The following CNTNAP2 variants were observed in gnomAD, a reference collection of about 807,000 sequenced individuals.
CNTNAP2 encodes the protein contactin-associated protein-like 2.
CNTNAP2 carries 98 observed loss-of-function variants against 155.2 expected under a neutral mutation model. That is an observed-to-expected ratio of 0.63 (90% CI 0.54 to 0.75). The LOEUF (loss-of-function observed/expected upper bound fraction) is 0.75, where lower values mean the gene tolerates loss of function less well. CNTNAP2 is among the 30% of genes least tolerant of loss of function. The pLI is 0.00. For missense variants in CNTNAP2, 1,727 were observed against 1,688.1 expected, an observed-to-expected ratio of 1.02 and a Z score of -0.40; for synonymous variants, 651 against 631.2, an observed-to-expected ratio of 1.03 and a Z score of -0.47.
chr7:147,138,593 T>G (rs1409748594), intron 8 of CNTNAP2, among the ~76,000 whole-genome samples: 5 of 151,932 alleles, frequency 3.3e-5, no homozygotes, highest in Non-Finnish European at 7.4e-5. Context: ...CTGCAGTGAA[T>G]GCTGGTGCAC....
intron 1 of CNTNAP2, among the ~76,000 whole-genome samples, chr7:146,350,559 G>A (rs1057295518): frequency 6.6e-6 from 1 of 151,698 alleles, no homozygotes; most frequent in African/African-American, 2.4e-5. Flanking sequence ...GGAGAAATAG[G>A]AACACTTTTA....
At chr7:147,161,895 T>C (rs1004765035) in intron 8 of CNTNAP2, 6 of 152,212 alleles carry the variant, frequency 3.9e-5, no homozygotes, top group African/African-American at 1.4e-4. Context: ...ACCTCCTTTC[T>C]GTTCCAGAAC....
At chr7:147,786,230 C>G (rs1277496400) in intron 13 of CNTNAP2, among the ~76,000 whole-genome samples, 1 of 152,186 alleles carries the variant, frequency 6.6e-6, no homozygotes, top group Non-Finnish European at 1.5e-5. Context: ...CAAGATTGCA[C>G]CACTGCACTC....
chr7:146,289,613 G>C lies in CNTNAP2; in HGVS notation c.97+172640G>C, dbSNP rs529903451. ...CAAATTAAGCCCTGCTGTCTGCATG[G>C]GTACTCATTATTAAATATGAGCGAT... On this transcript the variant is annotated intron_variant, in intron 1 of 23. Transcript: ENST00000361727. 2.6e-5 allele frequency among the ~76,000 whole-genome samples: 4 copies of C among 152,090 alleles called. No homozygotes were observed. In the South Asian group the frequency reaches 8.3e-4, roughly 32 times the overall value.
chr7:146,179,396 AG>A (rs34132852), intron 1 of CNTNAP2, among the ~76,000 whole-genome samples: 45,900 of 151,782 alleles, frequency 0.3, 8,045 homozygotes, highest in African/African-American at 0.49. Context: ...TTGATATCAA[AG>A]AAATATAACC....
At chr7:147,974,058 C>T (rs993868683) in intron 14 of CNTNAP2, among the ~76,000 whole-genome samples, 3 of 149,286 alleles carry the variant, frequency 2.0e-5, no homozygotes, top group Admixed American at 6.6e-5. Context: ...GTAATGCCTG[C>T]TTTTAGTATT....
intron 3 of CNTNAP2, among the ~76,000 whole-genome samples, chr7:147,020,932 A>G (rs1798807108): frequency 6.6e-6 from 1 of 152,168 alleles, no homozygotes. Flanking sequence ...TATTATTAAG[A>G]TGCATTTCTT....
intron 3 of CNTNAP2, among the ~76,000 whole-genome samples, chr7:146,907,824 C>A (rs1171016975): frequency 1.3e-5 from 2 of 151,910 alleles, no homozygotes; most frequent in African/African-American, 4.8e-5. Context: ...TGTAAATGGA[C>A]TAAATGCTCT....
At chr7:147,526,917 T>C (rs1412015371) in intron 11 of CNTNAP2, among the ~76,000 whole-genome samples, 2 of 152,146 alleles carry the variant, frequency 1.3e-5, no homozygotes, top group African/African-American at 4.8e-5. Flanking sequence ...ATTAAGTTTT[T>C]CTGTCATTAA....
intron 18 of CNTNAP2, among the ~76,000 whole-genome samples, chr7:148,187,601 G>A (rs921352508): frequency 1.2e-4 from 18 of 152,304 alleles, no homozygotes; most frequent in African/African-American, 4.1e-4. Flanking sequence ...TGAGGAGCTA[G>A]GAGGGTGGAT....
chr7:147,866,968 T>C (rs1218123003), intron 13 of CNTNAP2, among the ~76,000 whole-genome samples: 3 of 152,366 alleles, frequency 2.0e-5, no homozygotes, highest in East Asian at 3.9e-4. Context: ...AATATTGTTA[T>C]GTGTGAATTT....
At chr7:147,731,989 T>G (rs1341215929) in intron 13 of CNTNAP2, among the ~76,000 whole-genome samples, 1 of 152,134 alleles carries the variant, frequency 6.6e-6, no homozygotes, top group African/African-American at 2.4e-5. Flanking sequence ...ATGATAAAAC[T>G]TTAATGGATG....
At chr7:146,139,631 CT>C (rs957567970) in intron 1 of CNTNAP2, among the ~76,000 whole-genome samples, 6 of 151,358 alleles carry the variant, frequency 4.0e-5, no homozygotes, top group Non-Finnish European at 7.4e-5. Context: ...AGTTATCATT[CT>C]TTTTTTTTCT....
chr7:146,581,884 T>C (rs747434195), intron 1 of CNTNAP2, among the ~76,000 whole-genome samples: 2 of 152,080 alleles, frequency 1.3e-5, no homozygotes, highest in Non-Finnish European at 2.9e-5. Context: ...TTTTTTCTTA[T>C]TGCCCAAAAT....
chr7:148,285,167 C>A (rs1449524450), intron 21 of CNTNAP2, among the ~76,000 whole-genome samples: 2 of 152,232 alleles, frequency 1.3e-5, no homozygotes, highest in East Asian at 3.8e-4. Context: ...TTGAATGTCA[C>A]AGCTCTGTGC....
intron 13 of CNTNAP2, among the ~76,000 whole-genome samples, chr7:147,685,971 A>G (rs928946397): frequency 2.6e-5 from 4 of 151,984 alleles, no homozygotes; most frequent in Admixed American, 2.6e-4. Flanking sequence ...AGACTTATTG[A>G]GGCTGTGTGC....
At chr7:146,546,488 G>C (rs1375500756) in intron 1 of CNTNAP2, among the ~76,000 whole-genome samples, 1 of 151,868 alleles carries the variant, frequency 6.6e-6, no homozygotes, top group East Asian at 1.9e-4. Flanking sequence ...CACTTTCCCT[G>C]TAGGAGGAGT....
intron 2 of CNTNAP2, among the ~76,000 whole-genome samples, chr7:146,838,678 A>G (rs975777330): frequency 6.6e-6 from 1 of 152,242 alleles, no homozygotes. Context: ...TCATAGTTTT[A>G]AGCAAAAATA....
At chr7:146,988,450 A>G (rs985184730) in intron 3 of CNTNAP2, among the ~76,000 whole-genome samples, 1 of 152,174 alleles carries the variant, frequency 6.6e-6, no homozygotes, top group Non-Finnish European at 1.5e-5. Flanking sequence ...AATCACTTCC[A>G]AAAATCTGTT....
Sources: gnomAD v4.1 joint callset for allele counts (sites outside exome capture counted in the v4.1 genomes callset) on GRCh38, gnomAD v4.1.1 for gene constraint, MANE v1.5 for transcripts, NCBI Gene and HGNC (gene_info 2026-07-23, HGNC 2026-07-21) for gene names.